FER1L6: variants seen among roughly 807,000 people sequenced by gnomAD.
FER1L6 encodes the protein fer-1-like protein 6.
A neutral mutation model predicts 219.2 loss-of-function variants in FER1L6; 177 were observed. The ratio of observed to expected loss-of-function variants is 0.81; its 90% CI spans 0.71 to 0.91. The LOEUF (loss-of-function observed/expected upper bound fraction) is 0.91. FER1L6 is among the 40% of genes least tolerant of loss of function. The pLI, the probability that FER1L6 is intolerant of heterozygous loss-of-function variation, is 0.00. For missense variants in FER1L6, 2,153 were observed against 2,259.9 expected (o/e 0.95, Z 0.96); for synonymous variants, 768 against 824.3 (o/e 0.93, Z 1.17).
intron 3 of FER1L6, 134 bp from the exon 4 acceptor site, chr8:123,965,873 A>G: frequency 1.2e-6 from 1 of 812,206 alleles, no homozygotes; most frequent in Non-Finnish European, 1.9e-6. Flanking sequence ...GCTTATACTT[A>G]TCTCCCCCAG....
intron 12 of FER1L6, among the ~76,000 whole-genome samples, chr8:123,990,928 TG>T (rs1360685588): frequency 6.6e-6 from 1 of 152,246 alleles, no homozygotes; most frequent in Non-Finnish European, 1.5e-5. Context: ...CTTCTACGTG[TG>T]GCTATCCAGT....
At chr8:123,855,726 C>T (rs1300243591) in intron 1 of FER1L6, among the ~76,000 whole-genome samples, 7 of 128,510 alleles carry the variant, frequency 5.4e-5, no homozygotes, top group Non-Finnish European at 9.9e-5. Flanking sequence ...CACACACACA[C>T]ATATACGTAA....
At chr8:124,069,905 G>A (rs1350741062) in intron 29 of FER1L6, among the ~76,000 whole-genome samples, 4 of 151,936 alleles carry the variant, frequency 2.6e-5, no homozygotes, top group African/African-American at 9.7e-5. Flanking sequence ...AAATTTGAAG[G>A]GTGAAAATTA....
At chr8:124,012,766 C>T (rs375185048) in intron 14 of FER1L6, among the ~76,000 whole-genome samples, 12 of 152,292 alleles carry the variant, frequency 7.9e-5, no homozygotes, top group East Asian at 7.7e-4. Context: ...TCCCTAGGCA[C>T]GAGACTTTGG....
At chr8:123,991,645 A>T (rs1392131079) in intron 12 of FER1L6, among the ~76,000 whole-genome samples, 1 of 152,146 alleles carries the variant, frequency 6.6e-6, no homozygotes, top group South Asian at 2.1e-4. Flanking sequence ...AAACTGCAAT[A>T]GTTTGACTTC....
Position 123,896,735 on chromosome 8 carries a change from A to G in FER1L6, c.-8+44550A>G, listed in dbSNP as rs527422388. Among the ~76,000 whole-genome samples the G allele has an allele frequency of 1.7e-4, 26 of 152,258 alleles. No individual in the cohort carries two copies. In the South Asian group the frequency reaches 4.0e-3, roughly 23 times the overall value. ...ATAAACCATGTCTGTGGTTGTCACT[A>G]TGTAAAATAGTATCTGTCTCTAGGT... On this transcript the variant is annotated intron_variant, in intron 1 of 40. Transcript: ENST00000522917.
At chr8:123,858,411 G>A (rs1164464064) in intron 1 of FER1L6, among the ~76,000 whole-genome samples, 1 of 152,242 alleles carries the variant, frequency 6.6e-6, no homozygotes, top group Non-Finnish European at 1.5e-5. Flanking sequence ...GGCAGTGCTA[G>A]CTGCTGTAAC....
chr8:124,089,926 AT>A (rs1563793797), intron 33 of FER1L6, among the ~76,000 whole-genome samples: 2 of 101,678 alleles, frequency 2.0e-5, no homozygotes, highest in African/African-American at 5.3e-5. Flanking sequence ...CATAGGCATT[AT>A]AAGATGGTAA....
Position 123,970,054 on chromosome 8 carries a change from T to A in FER1L6, c.404T>A (p.Ile135Asn), listed in dbSNP as rs114920664. The change falls in exon 6 of 41, where the codon ATT becomes AAT. Residue 135 changes from isoleucine to asparagine, a missense_variant. Coordinates refer to ENST00000522917, the MANE Select transcript of FER1L6 (RefSeq NM_001039112.2). ...FYNEYFVFDF[I>N]GPQVHLFDKI... ...TTGCAGTACTTTGTCTTCGACTTCA[T>A]TGGGCCCCAAGTGCATCTTTTTGAC... is the stretch of plus-strand genomic sequence containing the variant. 2 of 1,614,108 alleles carry A rather than the reference T, an allele frequency of 1.2e-6. No homozygotes were observed. The highest frequency in any genetic ancestry group is 1.7e-6 in the Non-Finnish European group (2 of 1,179,974).
chr8:124,094,779 A>G (rs1822201726), intron 34 of FER1L6, 117 bp from the exon 35 acceptor site: 7 of 1,174,110 alleles, frequency 6.0e-6, no homozygotes, highest in Non-Finnish European at 8.8e-6. Flanking sequence ...GAACCACTGC[A>G]CCCAGCCCCT....
rs540852329 is a variant in FER1L6, at chr8:123,982,940, C to A, written c.1410+2129C>A. Among the ~76,000 whole-genome samples the A allele has an allele frequency of 6.0e-4, 92 of 152,332 alleles. 1 individual carries two copies. Among genetic ancestry groups the A allele is most frequent in the Admixed American group, 3.6e-3 (55 of 15,304 alleles). ...AGGGAGCAAGACTGAAACTGTCTTT[C>A]ATGACCTGGCCACAGAAGTCACACA... On this transcript the variant is annotated intron_variant, in intron 11 of 40. Transcript: ENST00000522917.
chr8:123,948,590 T>A (rs1011534422), intron 1 of FER1L6, among the ~76,000 whole-genome samples: 17 of 152,138 alleles, frequency 1.1e-4, no homozygotes, highest in Non-Finnish European at 2.5e-4. Flanking sequence ...TATTATAAAA[T>A]CTTTTATTTC....
chr8:123,997,704 A>C (rs1336357450), intron 12 of FER1L6, among the ~76,000 whole-genome samples: 1 of 151,784 alleles, frequency 6.6e-6, no homozygotes, highest in Non-Finnish European at 1.5e-5. Flanking sequence ...ATTCTTTTCT[A>C]TTCTTTTTTT....
chr8:123,869,480 T>C (rs1184623275), intron 1 of FER1L6, among the ~76,000 whole-genome samples: 3 of 152,208 alleles, frequency 2.0e-5, no homozygotes, highest in Admixed American at 6.5e-5. Flanking sequence ...CATTTCATCC[T>C]GTATTATCTG....
rs775670347 is a variant in FER1L6 at position 123,986,176 on chromosome 8, G to C, written c.1519G>C (p.Gly507Arg). Residue 507 changes from glycine to arginine, a missense_variant and splice_region_variant, in exon 12 of 41, where the codon GGT becomes CGT. Gly to Arg is a moderately radical substitution (Grantham distance 125). Transcript: ENST00000522917. ...ACCCATCAGCTTTGAAGTTTCTATT[G>C]GTAAGTACAGATAAGCACAGTGCCA... ...DKPISFEVSI[G>R]NFGNLIDGGS... 2 of 1,571,400 alleles carry C rather than the reference G, an allele frequency of 1.3e-6. No individual in the cohort carries two copies. Among genetic ancestry groups the C allele is most frequent in the East Asian group, 4.5e-5 (2 of 44,638 alleles).
intron 12 of FER1L6, among the ~76,000 whole-genome samples, chr8:123,988,030 G>A (rs1204137315): frequency 4.6e-5 from 7 of 152,172 alleles, no homozygotes; most frequent in Admixed American, 2.0e-4. Context: ...CCCGGGAGGC[G>A]GAGGTTGCAG....
chr8:124,009,632 G>T (rs907120098), intron 13 of FER1L6, among the ~76,000 whole-genome samples: 1 of 152,010 alleles, frequency 6.6e-6, no homozygotes, highest in East Asian at 1.9e-4. Flanking sequence ...CAGATCTGAG[G>T]GTGCTGGAGC....
At chr8:123,961,887 T>C (rs967836849) in intron 2 of FER1L6, among the ~76,000 whole-genome samples, 22 of 149,728 alleles carry the variant, frequency 1.5e-4, no homozygotes, top group African/African-American at 5.4e-4. Flanking sequence ...TTTCTTTTTT[T>C]TTTTTTTTTT....
chr8:123,973,851 C>T (rs900084788), intron 7 of FER1L6, among the ~76,000 whole-genome samples: 5 of 152,118 alleles, frequency 3.3e-5, no homozygotes, highest in Admixed American at 1.3e-4. Flanking sequence ...AGCTGTGCAA[C>T]CTTGGGCAAA....
Sources: allele counts gnomAD v4.1 joint callset (sites outside exome capture counted in the v4.1 genomes callset), GRCh38; gene constraint gnomAD v4.1.1; transcripts MANE v1.5; gene names NCBI Gene and HGNC (gene_info 2026-07-23, HGNC 2026-07-21).